The following TDRD3 variants were observed in gnomAD, a reference collection of about 807,000 sequenced individuals.
TDRD3 encodes tudor domain-containing protein 3.
TDRD3 carries 45 observed loss-of-function variants against 86.7 expected under a neutral mutation model. The observed-to-expected ratio is 0.52, with a 90% CI of 0.41 to 0.67. The LOEUF is 0.67. TDRD3 is among the 30% of genes least tolerant of loss of function. The pLI, the probability that TDRD3 is intolerant of heterozygous loss-of-function variation, is 0.00. For synonymous variants in TDRD3, 298 were observed against 301.7 expected (o/e 0.99, Z 0.13); for missense variants, 814 against 889.0 (o/e 0.92, Z 1.07).
intron 10 of TDRD3, among the ~76,000 whole-genome samples, chr13:60,517,260 T>G (rs1957192644): frequency 6.6e-6 from 1 of 151,846 alleles, no homozygotes; most frequent in Non-Finnish European, 1.5e-5. Flanking sequence ...CTTTGAAGAC[T>G]GAAGAATAGG....
chr13:60,480,536 C>T (rs186996153), intron 5 of TDRD3, among the ~76,000 whole-genome samples: 2 of 152,242 alleles, frequency 1.3e-5, no homozygotes, highest in Non-Finnish European at 2.9e-5. Flanking sequence ...GTTGACCTGT[C>T]TAGTGAGATT....
intron 3 of TDRD3, among the ~76,000 whole-genome samples, chr13:60,457,090 A>G (rs1001298937): frequency 6.6e-6 from 1 of 152,206 alleles, no homozygotes; most frequent in Non-Finnish European, 1.5e-5. Flanking sequence ...TTACTTCCCT[A>G]TGTTTTAACT....
intron 5 of TDRD3, among the ~76,000 whole-genome samples, chr13:60,477,023 T>C (rs1247098600): frequency 1.3e-5 from 2 of 151,912 alleles, no homozygotes; most frequent in African/African-American, 4.8e-5. Context: ...CTTTTTTTTT[T>C]ATTTGGATGT....
intron 5 of TDRD3, among the ~76,000 whole-genome samples, chr13:60,468,219 T>G (rs1035082321): frequency 2.0e-5 from 3 of 152,200 alleles, no homozygotes; most frequent in African/African-American, 7.2e-5. Flanking sequence ...CACATAGATC[T>G]TGTTGTAGCC....
intron 7 of TDRD3, among the ~76,000 whole-genome samples, chr13:60,488,922 ATTG>A (rs1187761427): frequency 2.6e-5 from 4 of 151,988 alleles, no homozygotes; most frequent in African/African-American, 4.8e-5. Flanking sequence ...TTGCTTTTGA[ATTG>A]TTATGTTCCT....
At chr13:60,396,115 T>G (rs1291016714), upstream of TDRD3, among the ~76,000 whole-genome samples, 1 of 152,182 alleles carries the variant, frequency 6.6e-6, no homozygotes, top group Admixed American at 6.5e-5. Context: ...AGAGCGCCTC[T>G]GCCCAGTTCC....
intron 10 of TDRD3, among the ~76,000 whole-genome samples, chr13:60,527,872 A>C (rs1463357077): frequency 1.3e-5 from 2 of 152,232 alleles, no homozygotes; most frequent in Non-Finnish European, 2.9e-5. Flanking sequence ...TAACGTAAAC[A>C]CTTAGCAATT....
At chr13:60,455,858 C>T (rs1325961714) in intron 3 of TDRD3, among the ~76,000 whole-genome samples, 1 of 151,776 alleles carries the variant, frequency 6.6e-6, no homozygotes, top group African/African-American at 2.4e-5. Context: ...ACCTGAGGTC[C>T]AGAGTTCGAG....
At chr13:60,521,516 C>T (rs1957284382) in intron 10 of TDRD3, among the ~76,000 whole-genome samples, 1 of 151,830 alleles carries the variant, frequency 6.6e-6, no homozygotes, top group South Asian at 2.1e-4. Flanking sequence ...AGTCACTAAA[C>T]TGGAAAGATG....
chr13:60,456,069 CA>C lies in TDRD3; in HGVS notation c.193-4292del, dbSNP rs35117003. ...TGGGTGACAGAGTGAGACTATGTCT[CA>C]AAAAAAAAAAAAAAAAAAGATTAAT... On this transcript the variant is annotated intron_variant, in intron 3 of 13. Transcript: ENST00000377881. Among the ~76,000 whole-genome samples the C allele has an allele frequency of 1.9e-3, 181 of 95,538 alleles. 2 individuals carry two copies. Among genetic ancestry groups the C allele is most frequent in the Admixed American group, 3.9e-3 (34 of 8,706 alleles). The allele number at this position is 95,538 out of a possible 152,430, so 62.7% of individuals were successfully genotyped here.
intron 1 of TDRD3, among the ~76,000 whole-genome samples, chr13:60,422,543 G>A (rs1180506817): frequency 6.6e-6 from 1 of 152,062 alleles, no homozygotes; most frequent in Non-Finnish European, 1.5e-5. Context: ...AAAATCACTT[G>A]AGTCAGAAAT....
intron 2 of TDRD3, among the ~76,000 whole-genome samples, chr13:60,443,351 G>A (rs1320117661): frequency 6.6e-6 from 1 of 151,946 alleles, no homozygotes; most frequent in South Asian, 2.1e-4. Context: ...TTTTAATTCT[G>A]TCATTGGATT....
intron 3 of TDRD3, among the ~76,000 whole-genome samples, chr13:60,451,700 C>G (rs999863438): frequency 2.0e-5 from 3 of 152,082 alleles, no homozygotes; most frequent in African/African-American, 7.2e-5. Context: ...AATTATCTTG[C>G]AAAGCACTTG....
At chr13:60,397,089 T>C (rs1953931451), upstream of TDRD3, 1 of 348,528 alleles carries the variant, frequency 2.9e-6, no homozygotes, top group Non-Finnish European at 5.2e-6. Flanking sequence ...CCGTCCTGAC[T>C]CCAGCCACCA....
chr13:60,399,073 T>C (rs895713343), intron 1 of TDRD3, among the ~76,000 whole-genome samples: 1 of 152,230 alleles, frequency 6.6e-6, no homozygotes, highest in African/African-American at 2.4e-5. Context: ...TTGACTTTGT[T>C]TTCTCTGGCC....
At chr13:60,525,444 G>T (rs899325992) in intron 10 of TDRD3, among the ~76,000 whole-genome samples, 5 of 151,716 alleles carry the variant, frequency 3.3e-5, no homozygotes, top group African/African-American at 1.2e-4. Context: ...AAAGTGCTGG[G>T]ATTACAGGGG....
intron 12 of TDRD3, among the ~76,000 whole-genome samples, chr13:60,565,672 TA>T (rs1485355821): frequency 2.0e-5 from 3 of 152,172 alleles, no homozygotes. Context: ...TGGAGAAAAG[TA>T]GTATTCCATT....
intron 10 of TDRD3, among the ~76,000 whole-genome samples, chr13:60,522,081 A>G (rs535884916): frequency 6.6e-6 from 1 of 152,218 alleles, no homozygotes; most frequent in African/African-American, 2.4e-5. Flanking sequence ...TTAATATAGA[A>G]AAAAATTAAA....
At chr13:60,516,557 A>C (rs1210240579) in intron 10 of TDRD3, among the ~76,000 whole-genome samples, 1 of 152,184 alleles carries the variant, frequency 6.6e-6, no homozygotes, top group East Asian at 1.9e-4. Context: ...CCACCACTAA[A>C]CTCACAGCTC....
Sources: allele counts gnomAD v4.1 joint callset (sites outside exome capture counted in the v4.1 genomes callset), GRCh38; gene constraint gnomAD v4.1.1; transcripts MANE v1.5; gene names NCBI Gene and HGNC (gene_info 2026-07-23, HGNC 2026-07-21).